RESF1: variants seen among roughly 807,000 people sequenced by gnomAD.
RESF1 encodes retroelement silencing factor 1, also known as gonad expressed transcript.
Under a neutral mutation model 134.7 loss-of-function variants are expected in RESF1, and 65 were observed. That is an observed-to-expected ratio of 0.48 (90% CI 0.40 to 0.59). RESF1 has a LOEUF of 0.59. Ranked by LOEUF, RESF1 falls within the 20% of genes least tolerant of loss-of-function variation. The probability of loss-of-function intolerance (pLI) is 0.00; values close to 1 mark genes in which losing one functional copy is unlikely to be tolerated. For synonymous variants in RESF1, 762 were observed against 702.2 expected (o/e 1.09, Z -1.35); for missense variants, 2,274 against 2,002.7 (o/e 1.14, Z -2.59).
At position 31,981,273 on chromosome 12, in the gene RESF1, C is replaced by A. The variant is rs2388981; in HGVS notation, c.318C>A (p.His106Gln). 300,453 of 1,613,698 alleles carry A rather than the reference C, an allele frequency of 0.19. 29,360 individuals are homozygous for A. The highest frequency in any genetic ancestry group is 0.25 in the Middle Eastern group (1,518 of 6,062). ...ANVNGPKQLT[H>Q]NLQMSSGVTQ... ...TTAATGGACCCAAACAACTAACTCA[C>A]AATTTGCAGATGTCTTCAGGAGTTA... is the stretch of plus-strand genomic sequence containing the variant. The change falls in exon 4 of 6, where the codon CAC becomes CAA. Residue 106 changes from histidine to glutamine, a missense_variant. By Grantham distance (24) the His-to-Gln change is conservative. Coordinates refer to ENST00000312561, the MANE Select transcript of RESF1 (RefSeq NM_018169.4).
intron 3 of RESF1, among the ~76,000 whole-genome samples, chr12:31,975,058 A>T (rs564462277): frequency 3.8e-4 from 58 of 151,644 alleles, no homozygotes; most frequent in Non-Finnish European, 6.8e-4. Context: ...GCAGATCATG[A>T]GGTCAGGAGT....
intron 2 of RESF1, chr12:31,962,371 C>T (rs1405955015): frequency 6.6e-6 from 1 of 152,070 alleles, no homozygotes; most frequent in Non-Finnish European, 1.5e-5. Flanking sequence ...GTTGACTAAC[C>T]CTGGCTATAG....
At chr12:31,970,945 C>G (rs954443970) in intron 3 of RESF1, among the ~76,000 whole-genome samples, 3 of 152,142 alleles carry the variant, frequency 2.0e-5, no homozygotes, top group Admixed American at 6.6e-5. Flanking sequence ...GGTATGTCTT[C>G]CCAGATTGAT....
chr12:31,987,085 T>C, intron 4 of RESF1, 154 bp from the exon 5 acceptor site: 1 of 554,974 alleles, frequency 1.8e-6, no homozygotes, highest in East Asian at 3.3e-5. Flanking sequence ...CAAATAGAAA[T>C]CATTTTTCCA....
chr12:31,989,027 CTTG>C (rs1216841325), intron 5 of RESF1, among the ~76,000 whole-genome samples: 2 of 151,712 alleles, frequency 1.3e-5, no homozygotes, highest in Admixed American at 6.6e-5. Flanking sequence ...GTGAAAGTAC[CTTG>C]TTGTTAGGGT....
At chr12:31,967,338 C>T (rs1939419020) in intron 2 of RESF1, among the ~76,000 whole-genome samples, 1 of 152,166 alleles carries the variant, frequency 6.6e-6, no homozygotes, top group Admixed American at 6.5e-5. Flanking sequence ...TGTTGTGATA[C>T]TTAAATGAGA....
rs1181866366 is a variant in RESF1, at chr12:31,980,979, G to A, written c.24G>A (p.Lys8=). 6.2e-7 allele frequency: 1 copy of A among 1,605,644 alleles called. No individual in the cohort carries two copies. Among genetic ancestry groups the A allele is most frequent in the Non-Finnish European group, 8.5e-7 (1 of 1,176,322 alleles). The change falls in exon 4 of 6, where the codon AAG becomes AAA. Residue 8 remains lysine, a synonymous_variant. Transcript: ENST00000312561. ...CAATGAATTGGAATGAAAAACCAAA[G>A]AGTGCTACATTACCACCACTGTATC... MNWNEKP[K]SATLPPLYPK... is the part of the protein sequence containing the mutation.
intron 3 of RESF1, among the ~76,000 whole-genome samples, chr12:31,974,502 G>C (rs1382618650): frequency 2.0e-5 from 3 of 152,224 alleles, no homozygotes; most frequent in South Asian, 2.1e-4. Flanking sequence ...GCAGGTGACT[G>C]TCTTCTTGCT....
At chr12:31,977,161 C>T (rs570683497) in intron 3 of RESF1, among the ~76,000 whole-genome samples, 2 of 152,238 alleles carry the variant, frequency 1.3e-5, no homozygotes, top group African/African-American at 2.4e-5. Context: ...GAACCTTCCC[C>T]TATCCCGAGG....
In RESF1 at chr12:31,983,959, A is replaced by G. The variant is rs747392832; in HGVS notation, c.3004A>G (p.Thr1002Ala). The G allele has an allele frequency of 1.2e-6, 2 of 1,613,544 alleles. No individual in the cohort carries two copies. The highest frequency in any genetic ancestry group is 8.5e-7 in the Non-Finnish European group (1 of 1,179,906). Residue 1002 changes from threonine to alanine, a missense_variant, in exon 4 of 6, where the codon ACT becomes GCT. Coordinates refer to ENST00000312561, the MANE Select transcript of RESF1 (RefSeq NM_018169.4). ...ILEKSSLEHA[T>A]EKSTANDTCS... ...AGAGAAAAGTAGTTTGGAGCATGCC[A>G]CTGAAAAAAGCACAGCTAACGATAC...
intron 4 of RESF1, among the ~76,000 whole-genome samples, chr12:31,986,530 A>T (rs1939974855): frequency 6.6e-6 from 1 of 152,236 alleles, no homozygotes; most frequent in African/African-American, 2.4e-5. Flanking sequence ...AAGAACCTTG[A>T]AAGCAGTATT....
At chr12:31,988,380 A>G (rs1940019954) in intron 5 of RESF1, among the ~76,000 whole-genome samples, 1 of 152,254 alleles carries the variant, frequency 6.6e-6, no homozygotes, top group African/African-American at 2.4e-5. Flanking sequence ...TTAAAAGACA[A>G]TATAGTATAA....
intron 5 of RESF1, among the ~76,000 whole-genome samples, chr12:31,988,475 AGGTT>A (rs1236511872): frequency 9.2e-5 from 14 of 152,330 alleles, no homozygotes; most frequent in African/African-American, 3.1e-4. Context: ...GGTATGCTTT[AGGTT>A]ATATACAATA....
chr12:31,969,978 C>T (rs1939472650), intron 2 of RESF1, among the ~76,000 whole-genome samples: 1 of 152,108 alleles, frequency 6.6e-6, no homozygotes, highest in Non-Finnish European at 1.5e-5. Flanking sequence ...TGGTTATTTC[C>T]TATAGGTATA....
intron 5 of RESF1, 124 bp downstream of exon 5, chr12:31,987,446 T>C: frequency 1.6e-6 from 1 of 612,140 alleles, no homozygotes; most frequent in Admixed American, 3.3e-5. Flanking sequence ...TTTTCAGTCA[T>C]TCAGTGTTTG....
In RESF1 at chr12:31,982,819, AT is replaced by A; in HGVS notation, c.1865del (p.Met622ArgfsTer6). ...DSCEMNPNTQMTGNQLNLKNM... is the reference protein window; with the variant it reads ...DSCEMNPNTQXTGNQLNLKNM... Reference sequence around the variant, plus strand: ...TTGTGAAATGAATCCAAATACCCAAATGACTGGTAACCAACTGAATTTGAAG... The same window carrying A: ...TTGTGAAATGAATCCAAATACCCAAAGACTGGTAACCAACTGAATTTGAAG... On this transcript the variant is annotated frameshift_variant, in exon 4 of 6. Transcript: ENST00000312561. LOFTEE classifies it high-confidence loss of function. The A allele has an allele frequency of 1.2e-6, 2 of 1,614,160 alleles. No individual in the cohort carries two copies. Among genetic ancestry groups the A allele is most frequent in the Non-Finnish European group, 1.7e-6 (2 of 1,179,992 alleles).
rs751414524 is a variant in RESF1, at chr12:31,981,282, G to A, written c.327G>A (p.Gln109=). The A allele has an allele frequency of 3.7e-6, 6 of 1,614,138 alleles. No homozygotes were observed. The highest frequency in any genetic ancestry group is 5.1e-6 in the Non-Finnish European group (6 of 1,180,014). Residue 109 remains glutamine (Q), a synonymous_variant, in exon 4 of 6, where the codon CAG becomes CAA. Coordinates refer to ENST00000312561, the MANE Select transcript of RESF1 (RefSeq NM_018169.4). The part of the protein sequence containing the change: ...NGPKQLTHNL[Q]MSSGVTQNVW... ...CCAAACAACTAACTCACAATTTGCAGATGTCTTCAGGAGTTACCCAAAACG... is the reference window on the plus strand; with the variant it reads ...CCAAACAACTAACTCACAATTTGCAAATGTCTTCAGGAGTTACCCAAAACG...
intron 3 of RESF1, among the ~76,000 whole-genome samples, chr12:31,972,215 A>G (rs1388800371): frequency 6.6e-6 from 1 of 152,150 alleles, no homozygotes; most frequent in Non-Finnish European, 1.5e-5. Flanking sequence ...CTCTAACACG[A>G]CAAACCAAAG....
Position 31,983,371 on chromosome 12 carries a change from G to A in RESF1, c.2416G>A (p.Glu806Lys). Residue 806 changes from glutamate (E) to lysine (K), a missense_variant, in exon 4 of 6, where the codon GAA (glutamate) becomes AAA (lysine). Coordinates refer to ENST00000312561, the MANE Select transcript of RESF1 (RefSeq NM_018169.4). ...TTGTAGTTTACAAAATCAATTGGCA[G>A]AAAATGCAAAGGCAACTGCTGCTTT... Reference protein sequence around the residue: ...SVCSLQNQLAENAKATAALKV... With the variant: ...SVCSLQNQLAKNAKATAALKV... 6.2e-7 allele frequency: 1 copy of A among 1,614,034 alleles called. No homozygotes were observed. The highest frequency in any genetic ancestry group is 1.1e-5 in the South Asian group (1 of 91,088).
Sources: allele counts gnomAD v4.1 joint callset (sites outside exome capture counted in the v4.1 genomes callset), GRCh38; gene constraint gnomAD v4.1.1; transcripts MANE v1.5; gene names NCBI Gene and HGNC (gene_info 2026-07-23, HGNC 2026-07-21).